The following CDIN1 variants were observed in gnomAD, a reference collection of about 807,000 sequenced individuals.
CDIN1 encodes the protein CDAN1-interacting nuclease 1.
A neutral mutation model predicts 45.3 loss-of-function variants in CDIN1; 33 were observed. That is an observed-to-expected ratio of 0.73 (90% CI 0.55 to 0.97). The LOEUF (loss-of-function observed/expected upper bound fraction) is 0.97. Ranked by LOEUF, CDIN1 falls within the 50% of genes least tolerant of loss-of-function variation. CDIN1 has a pLI of 0.00. For missense variants in CDIN1, 303 were observed against 339.4 expected, an observed-to-expected ratio of 0.89 and a Z score of 0.84; for synonymous variants, 118 against 124.4, an observed-to-expected ratio of 0.95 and a Z score of 0.34.
chr15:36,767,117 GTAAGA>G (rs2053946472), intron 10 of CDIN1, among the ~76,000 whole-genome samples: 1 of 152,006 alleles, frequency 6.6e-6, no homozygotes, highest in African/African-American at 2.4e-5. Flanking sequence ...TGTGGATGGT[GTAAGA>G]TAAGGGTCCA....
intron 10 of CDIN1, among the ~76,000 whole-genome samples, chr15:36,716,942 T>C (rs988280610): frequency 1.3e-5 from 2 of 152,162 alleles, no homozygotes; most frequent in African/African-American, 4.8e-5. Flanking sequence ...CCAAGTCTCT[T>C]TGTGAACTCC....
rs1358092417 is a variant in CDIN1, at chr15:36,742,678, G to T, written c.716+32717G>T. On this transcript the variant is annotated intron_variant, in intron 10 of 10. Coordinates refer to ENST00000566621, the MANE Select transcript of CDIN1 (RefSeq NM_001321759.2). ...TGCCTGTGTAGAATAAGTATTTCCA[G>T]ATGCAGGCCAGTTTTCTTTCAAAAC... Among the ~76,000 whole-genome samples, 5 of 152,272 alleles carry T rather than the reference G, an allele frequency of 3.3e-5. No individual in the cohort carries two copies. In the East Asian group the frequency reaches 9.7e-4, roughly 29 times the overall value.
intron 10 of CDIN1, among the ~76,000 whole-genome samples, chr15:36,764,001 C>G (rs2839754): frequency 0.58 from 87,599 of 151,916 alleles, 25,695 homozygotes; most frequent in East Asian, 0.93. Context: ...TTCAAAAAAT[C>G]ATTCCAGTAA....
chr15:36,768,900 T>C (rs2053994863), intron 10 of CDIN1, among the ~76,000 whole-genome samples: 1 of 152,170 alleles, frequency 6.6e-6, no homozygotes, highest in Admixed American at 6.5e-5. Flanking sequence ...AATTCAGCTG[T>C]GCACTCTAAA....
chr15:36,785,597 C>T (rs2054469375), intron 10 of CDIN1, among the ~76,000 whole-genome samples: 1 of 152,140 alleles, frequency 6.6e-6, no homozygotes, highest in African/African-American at 2.4e-5. Flanking sequence ...GCCTGAGCGG[C>T]TGATTGGACT....
At chr15:36,804,601 G>T (rs889638474) in intron 10 of CDIN1, 1 of 149,582 alleles carries the variant, frequency 6.7e-6, no homozygotes, top group Admixed American at 6.7e-5. Context: ...TGCACAGAAG[G>T]GCCAGCTTTA....
chr15:36,751,229 T>TTACA (rs2053457791), intron 10 of CDIN1, among the ~76,000 whole-genome samples: 1 of 97,612 alleles, frequency 1.0e-5, no homozygotes, highest in Non-Finnish European at 1.9e-5. Context: ...TATGCTTATT[T>TTACA]TATATATATA....
chr15:36,618,457 T>C, intron 1 of CDIN1: 1 of 936,962 alleles, frequency 1.1e-6, no homozygotes, highest in South Asian at 1.3e-5. Context: ...CGACAAGATG[T>C]CAATCTCAAG....
chr15:36,594,476 G>T (rs1422165353), intron 1 of CDIN1, among the ~76,000 whole-genome samples: 4 of 107,046 alleles, frequency 3.7e-5, no homozygotes, highest in African/African-American at 1.2e-4. Context: ...TTGGTTCATA[G>T]TCATGAAAAA....
At chr15:36,710,941 G>A (rs1447166940) in intron 10 of CDIN1, among the ~76,000 whole-genome samples, 1 of 152,080 alleles carries the variant, frequency 6.6e-6, no homozygotes, top group Non-Finnish European at 1.5e-5. Context: ...TTTTTGCCAT[G>A]GTAACAATGA....
At chr15:36,774,163 T>TGTGTGCGCGC (rs149222188) in intron 10 of CDIN1, among the ~76,000 whole-genome samples, 1,829 of 143,102 alleles carry the variant, frequency 0.013, 25 homozygotes, top group Non-Finnish European at 0.012. Flanking sequence ...TGTGTGTGTG[T>TGTGTGCGCGC]GCGCGCGCGC....
chr15:36,762,214 C>T (rs2053784860), intron 10 of CDIN1, among the ~76,000 whole-genome samples: 1 of 152,142 alleles, frequency 6.6e-6, no homozygotes, highest in African/African-American at 2.4e-5. Context: ...TTCTTTTTCC[C>T]TCTGTTTCTA....
intron 10 of CDIN1, among the ~76,000 whole-genome samples, chr15:36,769,237 A>T (rs990483209): frequency 6.6e-6 from 1 of 152,128 alleles, no homozygotes; most frequent in African/African-American, 2.4e-5. Flanking sequence ...ATATTGAGAG[A>T]TTTATTTTAA....
At chr15:36,702,700 G>A (rs1027966450) in intron 8 of CDIN1, among the ~76,000 whole-genome samples, 5 of 152,082 alleles carry the variant, frequency 3.3e-5, no homozygotes, top group Non-Finnish European at 7.4e-5. Flanking sequence ...GGAGAGATTT[G>A]CTTCTGCTGT....
chr15:36,778,238 C>T (rs762664441), intron 10 of CDIN1, among the ~76,000 whole-genome samples: 2 of 152,128 alleles, frequency 1.3e-5, no homozygotes, highest in Admixed American at 6.5e-5. Context: ...CCCACAGATG[C>T]CTCAGATTGG....
intron 10 of CDIN1, among the ~76,000 whole-genome samples, chr15:36,739,595 A>G (rs1157177331): frequency 6.6e-6 from 1 of 152,224 alleles, no homozygotes; most frequent in Non-Finnish European, 1.5e-5. Flanking sequence ...TCGTGTTACA[A>G]TATACTTATA....
At chr15:36,608,715 T>TTC (rs2038498016) in intron 1 of CDIN1, among the ~76,000 whole-genome samples, 1 of 152,120 alleles carries the variant, frequency 6.6e-6, no homozygotes, top group African/African-American at 2.4e-5. Context: ...TCTGTAACCT[T>TTC]TCTATGAGGA....
intron 5 of CDIN1, among the ~76,000 whole-genome samples, chr15:36,661,651 T>A (rs868511385): frequency 1.3e-5 from 2 of 152,186 alleles, no homozygotes; most frequent in African/African-American, 4.8e-5. Context: ...AGAATGCTAG[T>A]GATTTTACCT....
intron 10 of CDIN1, among the ~76,000 whole-genome samples, chr15:36,718,768 A>G (rs2140870870): frequency 7.1e-6 from 1 of 139,940 alleles, no homozygotes; most frequent in South Asian, 2.3e-4. Flanking sequence ...ATAGACAACT[A>G]TGTTGTTTAT....
Sources: allele counts gnomAD v4.1 joint callset (sites outside exome capture counted in the v4.1 genomes callset), GRCh38; gene constraint gnomAD v4.1.1; transcripts MANE v1.5; gene names NCBI Gene and HGNC (gene_info 2026-07-23, HGNC 2026-07-21).